SIRPA: variants seen among roughly 807,000 people sequenced by gnomAD.
The protein encoded by SIRPA is tyrosine-protein phosphatase non-receptor type substrate 1.
Under a neutral mutation model 50.3 loss-of-function variants are expected in SIRPA, and 9 were observed. The observed-to-expected ratio is 0.18, with a 90% CI of 0.11 to 0.31. The LOEUF is 0.31. Among genes scored for constraint, SIRPA ranks in the 10% least tolerant of loss-of-function variants. The probability of loss-of-function intolerance (pLI) is 1.00; values close to 1 mark genes in which losing one functional copy is unlikely to be tolerated. For synonymous variants in SIRPA, 265 were observed against 284.1 expected (o/e 0.93, Z 0.68); for missense variants, 474 against 661.6 (o/e 0.72, Z 3.11).
intron 2 of SIRPA, among the ~76,000 whole-genome samples, chr20:1,917,249 T>C (rs774550617): frequency 7.2e-5 from 11 of 152,104 alleles, no homozygotes; most frequent in Non-Finnish European, 1.0e-4. Context: ...TTGCCCCCTT[T>C]ACAGATAAGG....
chr20:1,917,908 A>G (rs1320490434), intron 2 of SIRPA, among the ~76,000 whole-genome samples: 3 of 152,200 alleles, frequency 2.0e-5, no homozygotes, highest in Non-Finnish European at 2.9e-5. Flanking sequence ...GCATGAAGTC[A>G]GGGATCTCAA....
chr20:1,920,060 G>A (rs1485258414), intron 2 of SIRPA, among the ~76,000 whole-genome samples: 2 of 152,140 alleles, frequency 1.3e-5, no homozygotes, highest in African/African-American at 2.4e-5. Flanking sequence ...TTCTTAACAG[G>A]GTGGGGTTTG....
In SIRPA at chr20:1,924,279, C is replaced by T. The variant is rs1307982452; in HGVS notation, c.1088-485C>T. Among the ~76,000 whole-genome samples, 1 of 152,194 alleles carries T rather than the reference C, an allele frequency of 6.6e-6. No individual in the cohort carries two copies. Among genetic ancestry groups the T allele is most frequent in the African/African-American group, 2.4e-5 (1 of 41,444 alleles). ...ATTTTCAAGAGTCCTGGTTCAGAGC[C>T]CCTATGCTAACTCCTGAGCCCAGTG... is the stretch of plus-strand genomic sequence containing the variant. On this transcript the variant is annotated intron_variant, in intron 4 of 7. Coordinates refer to ENST00000358771, the MANE Select transcript of SIRPA (RefSeq NM_001040023.2). This position sits in a 1 kb window ranked among gnomAD's most constrained non-coding sequence, Gnocchi z 4.5.
In SIRPA at chr20:1,937,067, G is replaced by A. The variant is rs763536533; in HGVS notation, c.1267-253G>A. Reference sequence around the variant, plus strand: ...GAACGGGAGGAGGTGACACTGAGGCGGGGCTGTGAGGAGACTGCACTGTGC... The same window carrying A: ...GAACGGGAGGAGGTGACACTGAGGCAGGGCTGTGAGGAGACTGCACTGTGC... On this transcript the variant is annotated intron_variant, in intron 7 of 7. Transcript: ENST00000358771. This position sits in a 1 kb window ranked among gnomAD's most constrained non-coding sequence, Gnocchi z 8.3. Among the ~76,000 whole-genome samples, 5 of 152,240 alleles carry A rather than the reference G, an allele frequency of 3.3e-5. No individual in the cohort carries two copies. The highest frequency in any genetic ancestry group is 2.1e-4 in the South Asian group (1 of 4,824).
intron 1 of SIRPA, among the ~76,000 whole-genome samples, chr20:1,899,733 T>A (rs922207965): frequency 2.0e-5 from 3 of 152,208 alleles, no homozygotes; most frequent in African/African-American, 7.2e-5. Flanking sequence ...AAGATGGTGC[T>A]AAGACCCCTG....
At position 1,933,585 on chromosome 20, in the gene SIRPA, C is replaced by T. The variant is rs953082139; in HGVS notation, c.1227-1130C>T. On this transcript the variant is annotated intron_variant, in intron 6 of 7. Coordinates refer to ENST00000358771, the MANE Select transcript of SIRPA (RefSeq NM_001040023.2). This position sits in a 1 kb window ranked among gnomAD's most constrained non-coding sequence, Gnocchi z 4.4. ...GGCCAGTAGTGTGGGGACAGATCTG[C>T]GTGATCTTCCCCAGCAGACGTGCCC... 1.3e-5 allele frequency among the ~76,000 whole-genome samples: 2 copies of T among 152,108 alleles called. No individual in the cohort carries two copies. Among genetic ancestry groups the T allele is most frequent in the African/African-American group, 4.8e-5 (2 of 41,398 alleles).
At chr20:1,913,335 G>A (rs557983578) in intron 1 of SIRPA, among the ~76,000 whole-genome samples, 279 of 152,282 alleles carry the variant, frequency 1.8e-3, no homozygotes, top group Non-Finnish European at 3.2e-3. Context: ...GATAGCCCTG[G>A]GCTTCCTGCA....
At position 1,933,407 on chromosome 20, in the gene SIRPA, C is replaced by CCA. The variant is rs142325365; in HGVS notation, c.1227-1307_1227-1306insAC. ...GTACATAACATCAAATGCCACCCCC[C>CCA]CCCCGAAATATCTGGTGGGCAGATG... On this transcript the variant is annotated intron_variant, in intron 6 of 7. Transcript: ENST00000358771. The surrounding 1 kb of genome is among the most constrained non-coding windows in gnomAD (Gnocchi z 4.4). 6.6e-6 allele frequency among the ~76,000 whole-genome samples: 1 copy of CCA among 151,622 alleles called. No individual in the cohort carries two copies. The highest frequency in any genetic ancestry group is 1.5e-5 in the Non-Finnish European group (1 of 67,900).
chr20:1,905,200 C>T (rs745810395), intron 1 of SIRPA, among the ~76,000 whole-genome samples: 3 of 152,172 alleles, frequency 2.0e-5, no homozygotes, highest in South Asian at 4.1e-4. Context: ...TGGCAAATGT[C>T]GTTTAATAAA....
intron 6 of SIRPA, among the ~76,000 whole-genome samples, chr20:1,930,276 C>A (rs912136003): frequency 1.3e-5 from 2 of 152,206 alleles, no homozygotes; most frequent in Admixed American, 6.5e-5. Context: ...GCGTGGACAC[C>A]CTGGTGTGTT....
intron 1 of SIRPA, among the ~76,000 whole-genome samples, chr20:1,914,649 C>T (rs566820393): frequency 9.9e-5 from 15 of 152,214 alleles, no homozygotes; most frequent in African/African-American, 1.4e-4. Context: ...CTGCCCAAAC[C>T]GCTGAGTACA....
At position 1,922,474 on chromosome 20, in the gene SIRPA, A is replaced by G; in HGVS notation, c.916A>G (p.Lys306Glu). ...TETASTVTENKDGTYNWMSWL... is the reference protein window; with the variant it reads ...TETASTVTENEDGTYNWMSWL... The stretch of plus-strand genomic sequence containing the variant: ...AACGGCCTCAACCGTTACAGAGAAC[A>G]AGGATGGTACCTACAACTGGATGAG... The change falls in exon 4 of 8, where the codon AAG becomes GAG. Residue 306 changes from lysine to glutamate, a missense_variant. Physicochemically the swap from Lys to Glu is moderately conservative, Grantham distance 56 (BLOSUM62 1). Transcript: ENST00000358771. The G allele has an allele frequency of 6.2e-7, 1 of 1,614,226 alleles. No individual in the cohort carries two copies. Among genetic ancestry groups the G allele is most frequent in the East Asian group, 2.2e-5 (1 of 44,870 alleles).
intron 1 of SIRPA, among the ~76,000 whole-genome samples, chr20:1,912,826 G>C (rs1227107718): frequency 6.6e-6 from 1 of 152,200 alleles, no homozygotes; most frequent in African/African-American, 2.4e-5. Context: ...GTGCTTCCCC[G>C]AGGCAGCCTT....
At chr20:1,930,869 C>T (rs891549668) in intron 6 of SIRPA, among the ~76,000 whole-genome samples, 3 of 152,214 alleles carry the variant, frequency 2.0e-5, no homozygotes, top group Admixed American at 6.5e-5. Context: ...GAATTACAGG[C>T]GTAAGCCACT....
chr20:1,924,369 C>T lies in SIRPA; in HGVS notation c.1088-395C>T, dbSNP rs557066819. On this transcript the variant is annotated intron_variant, in intron 4 of 7. Transcript: ENST00000358771. The surrounding 1 kb of genome is among the most constrained non-coding windows in gnomAD (Gnocchi z 4.5). ...CCTGAGCTGTGCAGAGCCTGCTGGCCGCACTGCCCTTCTTCCAGCTGCTGA... is the reference window on the plus strand; with the variant it reads ...CCTGAGCTGTGCAGAGCCTGCTGGCTGCACTGCCCTTCTTCCAGCTGCTGA... 7.2e-5 allele frequency among the ~76,000 whole-genome samples: 11 copies of T among 152,338 alleles called. No individual in the cohort carries two copies. The highest frequency in any genetic ancestry group is 5.8e-4 in the East Asian group (3 of 5,178).
intron 1 of SIRPA, among the ~76,000 whole-genome samples, chr20:1,905,420 G>A (rs1984487061): frequency 6.6e-6 from 1 of 152,192 alleles, no homozygotes; most frequent in South Asian, 2.1e-4. Context: ...GGAGGGGACA[G>A]TGACAATAGC....
intron 5 of SIRPA, among the ~76,000 whole-genome samples, chr20:1,925,834 A>G (rs1260020672): frequency 6.6e-6 from 1 of 152,202 alleles, no homozygotes; most frequent in Non-Finnish European, 1.5e-5. Context: ...GGAGAAGACA[A>G]TTTTAAGCTG....
chr20:1,928,036 C>A lies in SIRPA; in HGVS notation c.1226+137C>A. ...ACATGTCTCTTTCTCTCCTTTGTAA[C>A]CTCCTCACACTGGGTCACGCTGTTT... On this transcript the variant is annotated intron_variant, in intron 6 of 7. Coordinates refer to ENST00000358771, the MANE Select transcript of SIRPA (RefSeq NM_001040023.2). The surrounding 1 kb of genome is among the most constrained non-coding windows in gnomAD (Gnocchi z 4.9). 1 of 798,536 alleles carries A rather than the reference C, an allele frequency of 1.3e-6. No homozygotes were observed. The highest frequency in any genetic ancestry group is 2.2e-6 in the Non-Finnish European group (1 of 448,752). 49.5% of individuals were successfully genotyped at this position (798,536 alleles called of 1,614,324 possible). A position where few individuals can be genotyped will look rare whatever the true frequency, so the allele number is the denominator to read the frequency against.
In SIRPA at chr20:1,937,166, T is replaced by C. The variant is rs1239722087; in HGVS notation, c.1267-154T>C. On this transcript the variant is annotated intron_variant, in intron 7 of 7. Transcript: ENST00000358771. The surrounding 1 kb of genome is among the most constrained non-coding windows in gnomAD (Gnocchi z 8.3). ...GGGGCAAGGCTGGAGGCAAGTAACG[T>C]TGGCAAGAGATGAGGGGAACATGAC... is the stretch of plus-strand genomic sequence containing the variant. Among the ~76,000 whole-genome samples, 1 of 151,884 alleles carries C rather than the reference T, an allele frequency of 6.6e-6. No individual in the cohort carries two copies. The highest frequency in any genetic ancestry group is 2.4e-5 in the African/African-American group (1 of 41,324).
Sources: allele counts gnomAD v4.1 joint callset (sites outside exome capture counted in the v4.1 genomes callset), GRCh38; gene constraint gnomAD v4.1.1; non-coding constraint Gnocchi (gnomAD v3.1); transcripts MANE v1.5; gene names NCBI Gene and HGNC (gene_info 2026-07-23, HGNC 2026-07-21).